The following HAO2 variants were observed in gnomAD, a reference collection of about 807,000 sequenced individuals.
The protein encoded by HAO2 is 2-Hydroxyacid oxidase 2.
In HAO2, 42 loss-of-function variants were observed where a neutral mutation model predicts 37.4. The observed-to-expected ratio is 1.12, with a 90% CI of 0.88 to 1.45. The LOEUF (loss-of-function observed/expected upper bound fraction) is 1.45. HAO2 is among the 40% of genes most tolerant of loss of function. HAO2 has a pLI of 0.00. For missense variants in HAO2, 476 were observed against 430.2 expected (o/e 1.11, Z -0.94); for synonymous variants, 180 against 162.8 (o/e 1.11, Z -0.81).
At chr1:119,377,759 A>T (rs587748878) in intron 1 of HAO2, among the ~76,000 whole-genome samples, 1 of 152,326 alleles carries the variant, frequency 6.6e-6, no homozygotes, top group Non-Finnish European at 1.5e-5. Flanking sequence ...CATGCAGGGA[A>T]CTGCCCTTTA....
chr1:119,392,593 C>CTCTG, intron 6 of HAO2, 25 bp from the exon 7 acceptor site: 1 of 1,518,546 alleles, frequency 6.6e-7, no homozygotes, highest in Non-Finnish European at 9.1e-7. Flanking sequence ...CTCTTTGTGT[C>CTCTG]TCTGTCTGTC....
chr1:119,381,425 C>A (rs587612447), intron 2 of HAO2, among the ~76,000 whole-genome samples: 1 of 152,220 alleles, frequency 6.6e-6, no homozygotes, highest in South Asian at 2.1e-4. Flanking sequence ...CTGTTATAGC[C>A]AGCATAAGTG....
chr1:119,373,142 T>A (rs587645053), intron 1 of HAO2, among the ~76,000 whole-genome samples: 1 of 152,262 alleles, frequency 6.6e-6, no homozygotes, highest in South Asian at 2.1e-4. Context: ...CACACACCAC[T>A]CCACTGACTG....
intron 4 of HAO2, chr1:119,385,695 A>G (rs1650326624): frequency 2.0e-6 from 2 of 985,318 alleles, no homozygotes; most frequent in Non-Finnish European, 2.4e-6. Flanking sequence ...AGAGACAGCC[A>G]TGATAAAGTG....
At chr1:119,380,635 T>TGAA in intron 1 of HAO2, 5 of 1,315,502 alleles carry the variant, frequency 3.8e-6, no homozygotes, top group Non-Finnish European at 5.5e-6. Context: ...GTGGGCACAT[T>TGAA]GAAAGACAAG....
At chr1:119,390,096 G>C (rs780634803) in intron 5 of HAO2, among the ~76,000 whole-genome samples, 1 of 152,158 alleles carries the variant, frequency 6.6e-6, no homozygotes, top group African/African-American at 2.4e-5. Flanking sequence ...TCAGTTGGCT[G>C]TAAGTATTTG....
rs371484049 is a variant in HAO2 at position 119,386,670 on chromosome 1, T to C, written c.610T>C (p.Cys204Arg). The change falls in exon 5 of 8, where the codon TGC (cysteine) becomes CGC (arginine). Residue 204 changes from cysteine (C) to arginine (R), a missense_variant. Cys to Arg is a radical substitution (Grantham distance 180). Coordinates refer to ENST00000325945, the MANE Select transcript of HAO2 (RefSeq NM_016527.4). ...GATGACTCCTATCAGCACTTCTCTC[T>C]GCTGGAATGATCTCTCCTGGTTTCA... ...FQMTPISTSL[C>R]WNDLSWFQSI... 4 of 1,613,296 alleles carry C rather than the reference T, an allele frequency of 2.5e-6. No homozygotes were observed. In the African/African-American group the frequency reaches 5.3e-5, roughly 22 times the overall value.
Position 119,394,012 on chromosome 1 carries a change from T to G in HAO2, c.*172T>G, listed in dbSNP as rs1462826222. 3.5e-6 allele frequency: 5 copies of G among 1,431,356 alleles called. No homozygotes were observed. The highest frequency in any genetic ancestry group is 2.9e-5 in the African/African-American group (2 of 69,680). The allele number at this position is 1,431,356 out of a possible 1,614,324, so 88.7% of individuals were successfully genotyped here. A position where few individuals can be genotyped will look rare whatever the true frequency, so the allele number is the denominator to read the frequency against. Reference sequence around the variant, plus strand: ...CTGTGCTTCAGGCCCTCCAAACCCCTGTGTTCCCCAAATGTTCCATGCCCT... The same window carrying G: ...CTGTGCTTCAGGCCCTCCAAACCCCGGTGTTCCCCAAATGTTCCATGCCCT... On this transcript the variant is annotated 3_prime_UTR_variant, in exon 8 of 8. Transcript: ENST00000325945.
chr1:119,380,749 T>C (rs781451049), intron 1 of HAO2: 1 of 1,495,040 alleles, frequency 6.7e-7, no homozygotes, highest in Non-Finnish European at 9.3e-7. Context: ...AAGAATTTTT[T>C]GTAATAAGCT....
chr1:119,381,277 G>A (rs903625428), intron 2 of HAO2, 61 bp downstream of exon 2: 113 of 1,166,104 alleles, frequency 9.7e-5, no homozygotes, highest in Middle Eastern at 5.8e-4. Flanking sequence ...GAGCAACTTG[G>A]ACAGTAGTAG....
intron 5 of HAO2, among the ~76,000 whole-genome samples, chr1:119,390,487 G>T (rs1438591998): frequency 6.6e-6 from 1 of 152,126 alleles, no homozygotes; most frequent in Non-Finnish European, 1.5e-5. Context: ...CACCTCAGGT[G>T]GTTCACCCGC....
intron 1 of HAO2, among the ~76,000 whole-genome samples, chr1:119,371,249 A>G (rs957963220): frequency 1.3e-5 from 2 of 152,166 alleles, no homozygotes; most frequent in African/African-American, 4.8e-5. Context: ...TAGCTTGGAT[A>G]CTCACGTGAA....
In HAO2 at chr1:119,392,654, A is replaced by G; in HGVS notation, c.967A>G (p.Thr323Ala). ...HGVKEVLNILTNEFHTSMALT... is the reference protein window; with the variant it reads ...HGVKEVLNILANEFHTSMALT... The stretch of plus-strand genomic sequence containing the variant: ...TGTTAAGGAAGTTTTGAACATTTTA[A>G]CAAATGAGTTCCACACTTCCATGGC... The change falls in exon 7 of 8, where the codon ACA becomes GCA. Residue 323 changes from threonine to alanine, a missense_variant. Coordinates refer to ENST00000325945, the MANE Select transcript of HAO2 (RefSeq NM_016527.4). The G allele has an allele frequency of 6.2e-7, 1 of 1,609,988 alleles. No homozygotes were observed. Among genetic ancestry groups the G allele is most frequent in the Non-Finnish European group, 8.5e-7 (1 of 1,176,280 alleles).
chr1:119,385,220 C>T (rs1650285865), intron 4 of HAO2, 167 bp downstream of exon 4: 1 of 982,382 alleles, frequency 1.0e-6, no homozygotes, highest in Non-Finnish European at 1.2e-6. Flanking sequence ...GTTCCTGCTC[C>T]CTAGAGTTTC....
At chr1:119,371,276 G>A (rs899481591) in intron 1 of HAO2, among the ~76,000 whole-genome samples, 3 of 152,158 alleles carry the variant, frequency 2.0e-5, no homozygotes, top group African/African-American at 7.2e-5. Context: ...GAGCTTTAAT[G>A]TTTTTATCTA....
At chr1:119,378,886 T>G (rs935328724) in intron 1 of HAO2, among the ~76,000 whole-genome samples, 42 of 152,192 alleles carry the variant, frequency 2.8e-4, no homozygotes, top group African/African-American at 9.7e-4. Context: ...ATTCAAGTAA[T>G]GAACATTTGT....
At chr1:119,370,964 G>A (rs975334205) in intron 1 of HAO2, among the ~76,000 whole-genome samples, 3 of 152,182 alleles carry the variant, frequency 2.0e-5, no homozygotes, top group African/African-American at 7.2e-5. Flanking sequence ...GCCTGTTTTG[G>A]AGCTTTGTGT....
chr1:119,375,718 C>T (rs1649400087), intron 1 of HAO2, among the ~76,000 whole-genome samples: 1 of 152,118 alleles, frequency 6.6e-6, no homozygotes, highest in Admixed American at 6.6e-5. Context: ...CTGAAGGGGC[C>T]TCACAATTAT....
At position 119,379,981 on chromosome 1, in the gene HAO2, C is replaced by G. The variant is rs587734111; in HGVS notation, c.-8-1097C>G. Among the ~76,000 whole-genome samples the G allele has an allele frequency of 5.4e-4, 82 of 152,268 alleles. 1 individual carries two copies. The highest frequency in any genetic ancestry group is 1.8e-3 in the Admixed American group (27 of 15,280). ...AACTAACCCATTCCTGGTTGAAGCC[C>G]TAGTTACTGCGGCCTATCTTCTTCC... On this transcript the variant is annotated intron_variant, in intron 1 of 7. Transcript: ENST00000325945.
Sources: allele counts gnomAD v4.1 joint callset (sites outside exome capture counted in the v4.1 genomes callset), GRCh38; gene constraint gnomAD v4.1.1; transcripts MANE v1.5; gene names NCBI Gene and HGNC (gene_info 2026-07-23, HGNC 2026-07-21).